Variants in MIS18BP1 observed in about 807,000 individuals in gnomAD.
MIS18BP1 encodes the protein mis18-binding protein 1.
Under a neutral mutation model 116.1 loss-of-function variants are expected in MIS18BP1, and 72 were observed. The ratio of observed to expected loss-of-function variants is 0.62; its 90% CI spans 0.51 to 0.75. MIS18BP1 has a LOEUF of 0.75. MIS18BP1 is among the 30% of genes least tolerant of loss of function. The probability of loss-of-function intolerance (pLI) is 0.00; values close to 1 mark genes in which losing one functional copy is unlikely to be tolerated. For missense variants in MIS18BP1, 1,363 were observed against 1,303.2 expected (o/e 1.05, Z -0.71); for synonymous variants, 386 against 427.0 (o/e 0.90, Z 1.18).
intron 1 of MIS18BP1, among the ~76,000 whole-genome samples, chr14:45,248,055 G>GTT (rs3036381): frequency 0.011 from 1,255 of 109,192 alleles, 22 homozygotes; most frequent in African/African-American, 0.022. Context: ...TGTTTCTTTC[G>GTT]TTTTTTTTTT....
chr14:45,236,584 G>A (rs899556158), intron 5 of MIS18BP1, among the ~76,000 whole-genome samples: 2 of 152,264 alleles, frequency 1.3e-5, no homozygotes, highest in South Asian at 2.1e-4. Context: ...CTGATGATAA[G>A]CATGACGAAT....
intron 4 of MIS18BP1, among the ~76,000 whole-genome samples, chr14:45,240,245 G>A (rs1309349893): frequency 1.3e-5 from 2 of 152,066 alleles, no homozygotes; most frequent in Non-Finnish European, 2.9e-5. Flanking sequence ...CTGATTCTGG[G>A]GAAAGAAAGA....
chr14:45,231,272 G>A lies in MIS18BP1; in HGVS notation c.1463C>T (p.Thr488Ile). The change falls in exon 8 of 17, where the codon ACC becomes ATC. Residue 488 changes from threonine (T) to isoleucine (I), a missense_variant. Physicochemically the swap from Thr to Ile is moderately conservative, Grantham distance 89. Coordinates refer to ENST00000310806, the MANE Select transcript of MIS18BP1 (RefSeq NM_018353.5). ...LRAGEKNREK[T>I]KQKQKTGRSV... ...TCTTCCAGTTTTCTGTTTTTGTTTG[G>A]TCTTTTCCCTGTTCTTTTCACCAGC... 3 of 1,608,148 alleles carry A rather than the reference G, an allele frequency of 1.9e-6. No individual in the cohort carries two copies. The highest frequency in any genetic ancestry group is 2.5e-6 in the Non-Finnish European group (3 of 1,177,052).
Position 45,253,041 on chromosome 14 carries a change from T to G in MIS18BP1, c.-98A>C, listed in dbSNP as rs1409603027. 15 of 152,280 alleles carry G rather than the reference T, an allele frequency of 9.9e-5. No individual in the cohort carries two copies. Among genetic ancestry groups the G allele is most frequent in the Admixed American group, 9.8e-4 (15 of 15,290 alleles). 9.4% of individuals were successfully genotyped at this position (152,280 alleles called of 1,614,324 possible). A position where few individuals can be genotyped will look rare whatever the true frequency, so the allele number is the denominator to read the frequency against. ...GGGCGCGGGGAGGACGTACCTTGGATGAAGAGCCTGGCAGGGAGAGACTGC... is the reference window on the plus strand; with the variant it reads ...GGGCGCGGGGAGGACGTACCTTGGAGGAAGAGCCTGGCAGGGAGAGACTGC... On this transcript the variant is annotated 5_prime_UTR_variant, in exon 1 of 17. Coordinates refer to ENST00000310806, the MANE Select transcript of MIS18BP1 (RefSeq NM_018353.5).
At chr14:45,214,242 T>G (rs978721352) in intron 13 of MIS18BP1, among the ~76,000 whole-genome samples, 6 of 152,190 alleles carry the variant, frequency 3.9e-5, no homozygotes, top group African/African-American at 1.2e-4. Context: ...CAATAGAATA[T>G]CTCAGTGTAA....
intron 1 of MIS18BP1, among the ~76,000 whole-genome samples, chr14:45,252,539 A>T (rs1891905972): frequency 6.6e-6 from 1 of 152,212 alleles, no homozygotes; most frequent in Non-Finnish European, 1.5e-5. Flanking sequence ...AGCTCAAAAG[A>T]TCCACCCGCC....
intron 12 of MIS18BP1, 30 bp from the exon 13 acceptor site, chr14:45,217,209 G>C (rs1158175613): frequency 6.2e-7 from 1 of 1,605,462 alleles, no homozygotes; most frequent in Non-Finnish European, 8.5e-7. Context: ...TTTTGATAAG[G>C]ATTTGGTTAT....
intron 2 of MIS18BP1, among the ~76,000 whole-genome samples, chr14:45,243,876 A>C (rs941404638): frequency 3.3e-5 from 5 of 152,130 alleles, no homozygotes; most frequent in Non-Finnish European, 7.4e-5. Context: ...ATTTGTGTTT[A>C]TATTTTCTGG....
chr14:45,251,747 G>C (rs1039773738), intron 1 of MIS18BP1, among the ~76,000 whole-genome samples: 7 of 152,296 alleles, frequency 4.6e-5, no homozygotes, highest in Admixed American at 3.3e-4. Context: ...CATGAAAGGT[G>C]ATTAATAGAA....
chr14:45,246,002 T>C (rs1441054756), intron 2 of MIS18BP1, among the ~76,000 whole-genome samples: 1 of 152,226 alleles, frequency 6.6e-6, no homozygotes, highest in Non-Finnish European at 1.5e-5. Flanking sequence ...ACATTTACTA[T>C]CTGCACTACT....
At position 45,210,531 on chromosome 14, in the gene MIS18BP1, A is replaced by G. The variant is rs765818128; in HGVS notation, c.3004-3T>C. On this transcript the variant is annotated splice_polypyrimidine_tract_variant and splice_region_variant and intron_variant, in intron 13 of 16. Transcript: ENST00000310806. ...TCACTGTCCTGGAAACTTGGCAACT[A>G]GAAAACAAGTATTTATTATCAGCAG... The G allele has an allele frequency of 4.5e-5, 72 of 1,613,676 alleles. No homozygotes were observed. Among genetic ancestry groups the G allele is most frequent in the Non-Finnish European group, 5.3e-5 (62 of 1,179,892 alleles).
At chr14:45,233,757 A>G (rs1891350238) in intron 6 of MIS18BP1, among the ~76,000 whole-genome samples, 1 of 152,190 alleles carries the variant, frequency 6.6e-6, no homozygotes, top group Non-Finnish European at 1.5e-5. Flanking sequence ...AAGATGGGGA[A>G]GAATATAGGT....
At chr14:45,240,084 G>A (rs769813681) in intron 4 of MIS18BP1, among the ~76,000 whole-genome samples, 1 of 152,144 alleles carries the variant, frequency 6.6e-6, no homozygotes, top group Non-Finnish European at 1.5e-5. Flanking sequence ...GTGGAGTTGA[G>A]AAGAATTTTC....
At chr14:45,236,857 T>G (rs371856601) in intron 5 of MIS18BP1, among the ~76,000 whole-genome samples, 1 of 152,054 alleles carries the variant, frequency 6.6e-6, no homozygotes, top group African/African-American at 2.4e-5. Flanking sequence ...GTAATACAGA[T>G]AGTAGGCAGC....
chr14:45,217,215 GTTAT>G lies in MIS18BP1; in HGVS notation c.2843-40_2843-37del, dbSNP rs748507458. The G allele has an allele frequency of 4.4e-6, 7 of 1,598,442 alleles. No individual in the cohort carries two copies. The Admixed American group carries it at 1.2e-4, about 28-fold the overall frequency. On this transcript the variant is annotated intron_variant, in intron 12 of 16. Transcript: ENST00000310806. ...AGCAAACCATTTTGATAAGGATTTGGTTATTTATAGTAACTGCTCTATAAAGTTA... is the reference window on the plus strand; with the variant it reads ...AGCAAACCATTTTGATAAGGATTTGGTTATAGTAACTGCTCTATAAAGTTA...
chr14:45,223,810 C>T lies in MIS18BP1; in HGVS notation c.2669+108G>A, dbSNP rs528175931. On this transcript the variant is annotated intron_variant, in intron 11 of 16. Transcript: ENST00000310806. ...TCCCTGTGCAAATTATAATTTCTCC[C>T]TTTTTTTTAATGACATCTTCCATGT... 27 of 791,554 alleles carry T rather than the reference C, an allele frequency of 3.4e-5. 1 individual carries two copies. The South Asian group carries it at 3.8e-4, about 11-fold the overall frequency. The allele number at this position is 791,554 out of a possible 1,614,324, so 49.0% of individuals were successfully genotyped here. A position where few individuals can be genotyped will look rare whatever the true frequency, so the allele number is the denominator to read the frequency against.
intron 1 of MIS18BP1, 26 bp downstream of exon 1, chr14:45,253,009 T>G (rs1306242792): frequency 6.6e-6 from 1 of 152,228 alleles, no homozygotes; most frequent in Non-Finnish European, 1.5e-5. Context: ...GGTAGGAGGT[T>G]AGCGGAGGGC....
At position 45,217,067 on chromosome 14, in the gene MIS18BP1, G is replaced by T. The variant is rs755121677; in HGVS notation, c.2955C>A (p.Asp985Glu). ...REFLEQLPKDDHDDFFSTTPL... is the reference protein window; with the variant it reads ...REFLEQLPKDEHDDFFSTTPL... ...GTGTTGTACTGAAAAAATCATCATG[G>T]TCATCTTTTGGCAACTGTTCCAGAA... The change falls in exon 13 of 17, where the codon GAC becomes GAA. Residue 985 changes from aspartate (D) to glutamate (E), a missense_variant. Physicochemically the swap from Asp to Glu is conservative, Grantham distance 45. Transcript: ENST00000310806. The T allele has an allele frequency of 6.2e-7, 1 of 1,614,010 alleles. No individual in the cohort carries two copies. The highest frequency in any genetic ancestry group is 8.5e-7 in the Non-Finnish European group (1 of 1,179,982).
chr14:45,206,259 T>C (rs1890514776), intron 14 of MIS18BP1, 89 bp from the exon 15 acceptor site: 2 of 827,616 alleles, frequency 2.4e-6, no homozygotes, highest in Middle Eastern at 2.6e-4. Context: ...TAACCACAGG[T>C]TGAACAACAA....
Sources: allele counts gnomAD v4.1 joint callset (sites outside exome capture counted in the v4.1 genomes callset), GRCh38; gene constraint gnomAD v4.1.1; transcripts MANE v1.5; gene names NCBI Gene and HGNC (gene_info 2026-07-23, HGNC 2026-07-21).